The following RDH8 variants were observed in gnomAD, a reference collection of about 807,000 sequenced individuals.
The protein encoded by RDH8 is retinol dehydrogenase 8.
RDH8 carries 14 observed loss-of-function variants against 22.3 expected under a neutral mutation model. The observed-to-expected ratio is 0.63, with a 90% confidence interval of 0.42 to 0.98. The LOEUF (loss-of-function observed/expected upper bound fraction) is 0.98. Among genes scored for constraint, RDH8 ranks in the 50% least tolerant of loss-of-function variants. The probability of loss-of-function intolerance (pLI) is 0.00; values close to 1 mark genes in which losing one functional copy is unlikely to be tolerated. For synonymous variants in RDH8, 175 were observed against 171.7 expected (o/e 1.02, Z -0.15); for missense variants, 389 against 409.8 (o/e 0.95, Z 0.44).
At position 10,021,730 on chromosome 19, in the gene RDH8, C is replaced by A. The variant is rs116330337; in HGVS notation, c.917C>A (p.Thr306Lys). ...TGTCTGTCCTGCGGCTGCCTCCCAA[C>A]GCGGGTGCGGCCAAGATGAGCAGAA... ...LQCLSCGCLP[T>K]RVRPR The change falls in exon 6 of 6, where the codon ACG becomes AAG. Residue 306 changes from threonine to lysine, a missense_variant. Thr to Lys is a moderately conservative substitution (Grantham distance 78). Transcript: ENST00000591589. The A allele has an allele frequency of 6.2e-7, 1 of 1,613,774 alleles. No homozygotes were observed. The highest frequency in any genetic ancestry group is 2.2e-5 in the East Asian group (1 of 44,880).
intron 2 of RDH8, among the ~76,000 whole-genome samples, chr19:10,017,729 C>A (rs949010768): frequency 3.3e-5 from 5 of 152,260 alleles, no homozygotes; most frequent in African/African-American, 9.6e-5. Flanking sequence ...TCACTGCAAC[C>A]TCCACCTCCC....
chr19:10,017,361 G>C (rs1227554826), intron 2 of RDH8, 146 bp downstream of exon 2: 1 of 773,828 alleles, frequency 1.3e-6, no homozygotes, highest in Non-Finnish European at 1.8e-6. Flanking sequence ...GGCCAAGAGG[G>C]GTAGACCAGT....
chr19:10,018,094 C>A (rs1177202108), intron 2 of RDH8, among the ~76,000 whole-genome samples: 1 of 152,054 alleles, frequency 6.6e-6, no homozygotes, highest in Non-Finnish European at 1.5e-5. Flanking sequence ...TACAGGCAGG[C>A]GCCACCACAC....
In RDH8 at chr19:10,021,931, G is replaced by C. The variant is rs1262798070; in HGVS notation, c.*182G>C. The C allele has an allele frequency of 4.4e-6, 3 of 679,894 alleles. No homozygotes were observed. The African/African-American group carries it at 5.4e-5, about 12-fold the overall frequency. The allele number at this position is 679,894 out of a possible 1,614,324, so 42.1% of individuals were successfully genotyped here. On this transcript the variant is annotated 3_prime_UTR_variant, in exon 6 of 6. Transcript: ENST00000591589. The stretch of plus-strand genomic sequence containing the variant: ...ATTTTCAGGCATAGACTCCTCTGTG[G>C]TCACAGCTGGAGCACAGAGAGGGAC...
At chr19:10,020,216 C>T (rs191339662) in intron 3 of RDH8, among the ~76,000 whole-genome samples, 116 of 152,014 alleles carry the variant, frequency 7.6e-4, no homozygotes, top group African/African-American at 2.7e-3. Context: ...GTGGGAGGAT[C>T]GCTTAAGCTC....
chr19:10,016,618 C>T (rs2087619560), intron 1 of RDH8, among the ~76,000 whole-genome samples: 1 of 151,890 alleles, frequency 6.6e-6, no homozygotes, highest in Non-Finnish European at 1.5e-5. Flanking sequence ...GGGCCACCCA[C>T]CACACCTGGC....
chr19:10,021,142 C>T, intron 4 of RDH8, 113 bp from the exon 5 acceptor site: 1 of 1,025,626 alleles, frequency 9.8e-7, no homozygotes, highest in Non-Finnish European at 1.4e-6. Flanking sequence ...CCACTGCACT[C>T]CAGCCTGGGC....
At chr19:10,016,861 T>C (rs2087622002) in intron 1 of RDH8, among the ~76,000 whole-genome samples, 196 bp from the exon 2 acceptor site, 1 of 152,104 alleles carries the variant, frequency 6.6e-6, no homozygotes, top group South Asian at 2.1e-4. Flanking sequence ...GAACTCATGG[T>C]TGGAAGGATG....
Position 10,021,417 on chromosome 19 carries a change from G to A in RDH8, c.699G>A (p.Gln233=), listed in dbSNP as rs1216798332. Residue 233 remains glutamine (Q), a synonymous_variant, in exon 5 of 6, where the codon CAG becomes CAA. Coordinates refer to ENST00000591589, the MANE Select transcript of RDH8 (RefSeq NM_015725.4). The part of the protein sequence containing the change: ...ASRKLFCSVG[Q]NPQDVVQAIV... ...GGAAGCTGTTTTGCTCCGTGGGACA[G>A]AACCCACAGGACGTGGTTCAGGTGA... The A allele has an allele frequency of 1.2e-6, 2 of 1,614,014 alleles. No individual in the cohort carries two copies. The highest frequency in any genetic ancestry group is 2.7e-5 in the African/African-American group (2 of 74,900).
At position 10,021,648 on chromosome 19, in the gene RDH8, C is replaced by G. The variant is rs759794792; in HGVS notation, c.835C>G (p.Arg279Gly). ...GGATTCCTCTGGCAGCCTGTATGTG[C>G]GAACGACCCACCGCCTCCTCTTCCG... ...TVDSSGSLYVRTTHRLLFRCP... is the reference protein window; with the variant it reads ...TVDSSGSLYVGTTHRLLFRCP... The change falls in exon 6 of 6, where the codon CGA (arginine) becomes GGA (glycine). Residue 279 changes from arginine to glycine, a missense_variant. Coordinates refer to ENST00000591589, the MANE Select transcript of RDH8 (RefSeq NM_015725.4). The G allele has an allele frequency of 1.2e-6, 2 of 1,613,698 alleles. No individual in the cohort carries two copies. The highest frequency in any genetic ancestry group is 2.2e-5 in the East Asian group (1 of 44,876).
intron 1 of RDH8, among the ~76,000 whole-genome samples, chr19:10,014,522 AC>A (rs1265235578): frequency 4.0e-5 from 6 of 151,848 alleles, no homozygotes; most frequent in Admixed American, 3.9e-4. Context: ...ACAATCATTC[AC>A]CCCATTTTAT....
chr19:10,015,087 A>C (rs1052602725), intron 1 of RDH8, among the ~76,000 whole-genome samples: 1 of 152,166 alleles, frequency 6.6e-6, no homozygotes, highest in Non-Finnish European at 1.5e-5. Flanking sequence ...GGGTGCACAC[A>C]TTGGGGGATA....
Position 10,022,145 on chromosome 19 carries a change from A to C in RDH8, c.*396A>C. On this transcript the variant is annotated 3_prime_UTR_variant, in exon 6 of 6. Transcript: ENST00000591589. Reference sequence around the variant, plus strand: ...AGGAATGATTCATAGCCCACCCCCCACCTCCATGCATACACCAGAGCTCTG... The same window carrying C: ...AGGAATGATTCATAGCCCACCCCCCCCCTCCATGCATACACCAGAGCTCTG... 4.7e-6 allele frequency: 1 copy of C among 213,646 alleles called. No homozygotes were observed. Among genetic ancestry groups the C allele is most frequent in the Non-Finnish European group, 9.4e-6 (1 of 106,466 alleles). The allele number at this position is 213,646 out of a possible 1,614,324, so 13.2% of individuals were successfully genotyped here. A position where few individuals can be genotyped will look rare whatever the true frequency, so the allele number is the denominator to read the frequency against.
At chr19:10,020,683 A>G (rs1436610491) in intron 3 of RDH8, 26 bp from the exon 4 acceptor site, 2 of 1,537,120 alleles carry the variant, frequency 1.3e-6, no homozygotes. Context: ...ACCCTCAAAG[A>G]GCTCTCCTCC....
rs757824808 is a variant in RDH8, at chr19:10,017,081, GGAA to G, written c.133_135del (p.Lys45del). 2.5e-6 allele frequency: 4 copies of G among 1,592,326 alleles called. No homozygotes were observed. Among genetic ancestry groups the G allele is most frequent in the South Asian group, 1.1e-5 (1 of 88,112 alleles). ...GTCGTGGCCACCATGAGGGACCTGG[GGAA>G]GAAGGAGACACTGGAGGCAGCTGCT... On this transcript the variant is annotated inframe_deletion, in exon 2 of 6. Transcript: ENST00000591589.
chr19:10,020,788 G>A lies in RDH8; in HGVS notation c.522G>A (p.Leu174=), dbSNP rs1358752508. 1 of 1,608,692 alleles carries A rather than the reference G, an allele frequency of 6.2e-7. No individual in the cohort carries two copies. The highest frequency in any genetic ancestry group is 8.5e-7 in the Non-Finnish European group (1 of 1,176,964). Residue 174 remains leucine, a synonymous_variant, in exon 4 of 6, where the codon CTG becomes CTA. Coordinates refer to ENST00000591589, the MANE Select transcript of RDH8 (RefSeq NM_015725.4). ...TCGAAAGCCTCGCTATCCAGCTGCT[G>A]CAGTTCAACATCTTGTGAGGCGGGC... The part of the protein sequence containing the change: ...GFFESLAIQL[L]QFNIFISLVE...
At chr19:10,020,578 G>T (rs1180729914) in intron 3 of RDH8, 131 bp from the exon 4 acceptor site, 2 of 649,736 alleles carry the variant, frequency 3.1e-6, no homozygotes, top group Non-Finnish European at 5.7e-6. Flanking sequence ...CCATCATCTT[G>T]GCACCATGTA....
chr19:10,020,961 C>A, intron 4 of RDH8, 159 bp downstream of exon 4: 1 of 667,506 alleles, frequency 1.5e-6, no homozygotes, highest in Non-Finnish European at 2.6e-6. Flanking sequence ...CGCTTGAGGT[C>A]AGGCATTTGA....
chr19:10,019,180 C>T (rs573582178), intron 3 of RDH8, among the ~76,000 whole-genome samples: 2 of 151,872 alleles, frequency 1.3e-5, no homozygotes, highest in Non-Finnish European at 2.9e-5. Flanking sequence ...TGCCTGTAAT[C>T]CCAGCTACTC....
Sources: allele counts gnomAD v4.1 joint callset (sites outside exome capture counted in the v4.1 genomes callset), GRCh38; gene constraint gnomAD v4.1.1; transcripts MANE v1.5; gene names NCBI Gene and HGNC (gene_info 2026-07-23, HGNC 2026-07-21).